The following EBF2 variants were observed in gnomAD, a reference collection of about 807,000 sequenced individuals.
EBF2 encodes the protein EBF transcription factor 2, also known as transcription factor COE2.
Under a neutral mutation model 72.8 loss-of-function variants are expected in EBF2, and 21 were observed. The ratio of observed to expected loss-of-function variants is 0.29; its 90% CI spans 0.20 to 0.42. The LOEUF (loss-of-function observed/expected upper bound fraction) is 0.42. Ranked by LOEUF, EBF2 falls within the 10% of genes least tolerant of loss-of-function variation. EBF2 has a pLI of 1.00. For missense variants in EBF2, 637 were observed against 731.2 expected (o/e 0.87, Z 1.49); for synonymous variants, 299 against 274.2 (o/e 1.09, Z -0.89).
intron 10 of EBF2, among the ~76,000 whole-genome samples, chr8:25,863,049 TCTG>T (rs1229520002): frequency 8.4e-5 from 12 of 142,658 alleles, no homozygotes; most frequent in Admixed American, 6.8e-4. Flanking sequence ...CATAAACTTC[TCTG>T]CTATCAAATA....
chr8:25,891,556 G>A (rs1286761836), intron 7 of EBF2, among the ~76,000 whole-genome samples: 1 of 151,564 alleles, frequency 6.6e-6, no homozygotes. Flanking sequence ...ATTAAATGGA[G>A]GGCAGGGGGC....
At chr8:25,861,499 G>A in intron 11 of EBF2, 125 bp from the exon 12 acceptor site, 2 of 1,002,406 alleles carry the variant, frequency 2.0e-6, no homozygotes, top group South Asian at 1.5e-5. Flanking sequence ...TAGCCAAGAG[G>A]TCCTATATTT....
At position 25,841,993 on chromosome 8, in the gene EBF2, A is replaced by G. The variant is rs150949941; in HGVS notation, c.*2616T>C. Reference sequence around the variant, plus strand: ...GAAGTTAATGGTTTTTAAACCATGCATATTGAAATGTGCAAAGAAAAACTG... The same window carrying G: ...GAAGTTAATGGTTTTTAAACCATGCGTATTGAAATGTGCAAAGAAAAACTG... On this transcript the variant is annotated 3_prime_UTR_variant, in exon 16 of 16. Transcript: ENST00000520164. 8.5e-5 allele frequency: 13 copies of G among 152,340 alleles called. No individual in the cohort carries two copies. The highest frequency in any genetic ancestry group is 2.6e-4 in the African/African-American group (11 of 41,584). The allele number at this position is 152,340 out of a possible 1,614,324, so 9.4% of individuals were successfully genotyped here.
At chr8:25,848,282 TACATGCA>T (rs1195422204) in intron 15 of EBF2, among the ~76,000 whole-genome samples, 3 of 152,324 alleles carry the variant, frequency 2.0e-5, no homozygotes, top group African/African-American at 7.2e-5. Flanking sequence ...AGCCTGTGCC[TACATGCA>T]ACTCACCAAG....
chr8:25,898,412 T>G (rs1160051841), intron 7 of EBF2, among the ~76,000 whole-genome samples: 3 of 151,868 alleles, frequency 2.0e-5, no homozygotes, highest in African/African-American at 7.3e-5. Context: ...CTTCTAGAGC[T>G]TACTTTTAAA....
chr8:25,981,005 T>G (rs752921084), intron 6 of EBF2, among the ~76,000 whole-genome samples: 1 of 151,894 alleles, frequency 6.6e-6, no homozygotes, highest in African/African-American at 2.4e-5. Context: ...TACCACACAG[T>G]TTTGGTTCCC....
chr8:26,041,831 C>G (rs1805605630), intron 2 of EBF2, among the ~76,000 whole-genome samples: 1 of 152,156 alleles, frequency 6.6e-6, no homozygotes, highest in East Asian at 1.9e-4. Context: ...GTTTGCTCCG[C>G]CGTCAGTCCA....
chr8:25,868,172 G>A (rs997348033), intron 10 of EBF2, among the ~76,000 whole-genome samples: 4 of 152,148 alleles, frequency 2.6e-5, no homozygotes, highest in African/African-American at 9.7e-5. Flanking sequence ...TCCAGGAAGA[G>A]TATCTTAAAA....
intron 6 of EBF2, among the ~76,000 whole-genome samples, chr8:26,006,047 G>C (rs936292768): frequency 6.6e-6 from 1 of 152,028 alleles, no homozygotes; most frequent in Non-Finnish European, 1.5e-5. Flanking sequence ...TTCACAAGGA[G>C]CCAAACATCC....
intron 5 of EBF2, among the ~76,000 whole-genome samples, chr8:26,036,688 A>G (rs1189604651): frequency 8.6e-6 from 1 of 116,166 alleles, no homozygotes; most frequent in Non-Finnish European, 2.0e-5. Context: ...ACACTCCCCA[A>G]ACAGTGTGGA....
At chr8:26,037,544 G>A (rs988913309) in intron 5 of EBF2, among the ~76,000 whole-genome samples, 2 of 152,156 alleles carry the variant, frequency 1.3e-5, no homozygotes, top group Admixed American at 6.5e-5. Context: ...CCCACTGCCC[G>A]GCTGGCCCAT....
intron 15 of EBF2, 22 bp downstream of exon 15, chr8:25,850,572 C>T: frequency 6.6e-7 from 1 of 1,524,134 alleles, no homozygotes; most frequent in Non-Finnish European, 8.7e-7. Flanking sequence ...TTGTGTATCC[C>T]CAAAATAGAA....
intron 5 of EBF2, among the ~76,000 whole-genome samples, chr8:26,037,715 G>T (rs1805525754): frequency 6.6e-6 from 1 of 152,160 alleles, no homozygotes; most frequent in Admixed American, 6.5e-5. Context: ...GAGGGCTCAG[G>T]GGTGGCTGGC....
At chr8:26,007,331 T>C (rs1804898554) in intron 6 of EBF2, among the ~76,000 whole-genome samples, 1 of 152,202 alleles carries the variant, frequency 6.6e-6, no homozygotes. Context: ...CTGTGGCCTC[T>C]GACATTCTCC....
chr8:25,915,186 A>G (rs1803190131), intron 6 of EBF2, among the ~76,000 whole-genome samples: 2 of 152,150 alleles, frequency 1.3e-5, no homozygotes, highest in Non-Finnish European at 2.9e-5. Flanking sequence ...GACTTGCCCA[A>G]GTCAAAACAG....
At chr8:26,003,777 T>G (rs1038896448) in intron 6 of EBF2, among the ~76,000 whole-genome samples, 2 of 152,122 alleles carry the variant, frequency 1.3e-5, no homozygotes, top group Non-Finnish European at 1.5e-5. Flanking sequence ...GGGGCAATCG[T>G]TACTGACCCA....
rs1804241086 is a variant in EBF2 at position 25,974,710 on chromosome 8, ATG to A, written c.551+58373_551+58374del. Among the ~76,000 whole-genome samples, 4 of 152,324 alleles carry A rather than the reference ATG, an allele frequency of 2.6e-5. No homozygotes were observed. The South Asian group carries it at 8.3e-4, about 32-fold the overall frequency. On this transcript the variant is annotated intron_variant, in intron 6 of 15. Transcript: ENST00000520164. ...CTGGAACTTGGACGGCAAAATAATT[ATG>A]AGTCCCTGCTTTCCTTCCTGCCAAA... is the stretch of plus-strand genomic sequence containing the variant.
intron 6 of EBF2, among the ~76,000 whole-genome samples, chr8:25,985,190 A>T (rs1279980302): frequency 6.6e-6 from 1 of 152,046 alleles, no homozygotes; most frequent in African/African-American, 2.4e-5. Flanking sequence ...ATGCAGCTAG[A>T]CCTCCCCTCA....
intron 6 of EBF2, among the ~76,000 whole-genome samples, chr8:26,014,321 A>G (rs148560283): frequency 1.3e-5 from 2 of 152,180 alleles, no homozygotes; most frequent in African/African-American, 4.8e-5. Context: ...AGATACGCCA[A>G]TGGATCTCAC....
Sources: gnomAD v4.1 joint callset for allele counts (sites outside exome capture counted in the v4.1 genomes callset) on GRCh38, gnomAD v4.1.1 for gene constraint, MANE v1.5 for transcripts, NCBI Gene and HGNC (gene_info 2026-07-23, HGNC 2026-07-21) for gene names.